Variants in KCNJ15 observed in about 807,000 individuals in gnomAD.
KCNJ15 encodes the protein ATP-sensitive inward rectifier potassium channel 15.
Under a neutral mutation model 23.0 loss-of-function variants are expected in KCNJ15, and 14 were observed. That is an observed-to-expected ratio of 0.61 (90% CI 0.40 to 0.95). The LOEUF (loss-of-function observed/expected upper bound fraction) is 0.95, where lower values mean the gene tolerates loss of function less well. KCNJ15 is among the 40% of genes least tolerant of loss of function. The pLI is 0.00. For synonymous variants in KCNJ15, 185 were observed against 183.2 expected (o/e 1.01, Z -0.08); for missense variants, 388 against 461.8 (o/e 0.84, Z 1.46).
intron 1 of KCNJ15, among the ~76,000 whole-genome samples, chr21:38,277,074 A>G (rs1193965061): frequency 1.3e-5 from 2 of 151,912 alleles, no homozygotes; most frequent in Non-Finnish European, 2.9e-5. Flanking sequence ...AAATCAATAC[A>G]TCAATAGTAG....
In KCNJ15 at chr21:38,303,673, TAAATC is replaced by T. The variant is rs1985938105; in HGVS notation, c.*3288_*3292del. ...ATGAATGAATGAACCAGATGTTTAA[TAAATC>T]AAAACAACTATTTTGTTGGATTTTT... is the stretch of plus-strand genomic sequence containing the variant. On this transcript the variant is annotated 3_prime_UTR_variant, in exon 3 of 3. Coordinates refer to ENST00000398938, the MANE Select transcript of KCNJ15 (RefSeq NM_170736.3). 6.6e-6 allele frequency: 1 copy of T among 151,084 alleles called. No individual in the cohort carries two copies. The highest frequency in any genetic ancestry group is 1.5e-5 in the Non-Finnish European group (1 of 67,904). 9.4% of individuals were successfully genotyped at this position (151,084 alleles called of 1,614,324 possible).
intron 1 of KCNJ15, among the ~76,000 whole-genome samples, chr21:38,270,794 CA>C (rs1320080258): frequency 6.6e-6 from 1 of 152,186 alleles, no homozygotes; most frequent in East Asian, 1.9e-4. Flanking sequence ...AAGACCAAGG[CA>C]AAACTTGATT....
intron 1 of KCNJ15, among the ~76,000 whole-genome samples, chr21:38,264,250 T>A (rs752584817): frequency 1.3e-4 from 20 of 152,228 alleles, no homozygotes; most frequent in Non-Finnish European, 2.6e-4. Flanking sequence ...TACACCCCTT[T>A]ATGTATAATT....
chr21:38,275,242 C>T (rs1982543681), intron 1 of KCNJ15, among the ~76,000 whole-genome samples: 1 of 152,190 alleles, frequency 6.6e-6, no homozygotes, highest in South Asian at 2.1e-4. Context: ...GCTCTCCTCC[C>T]TCTCCATCTG....
chr21:38,258,245 G>C (rs560885932), intron 1 of KCNJ15, among the ~76,000 whole-genome samples: 8 of 152,142 alleles, frequency 5.3e-5, no homozygotes, highest in African/African-American at 1.4e-4. Context: ...ATAGCCTTAG[G>C]TGACAAATTC....
At chr21:38,232,976 G>A (rs1453481249) in intron 1 of KCNJ15, among the ~76,000 whole-genome samples, 2 of 151,918 alleles carry the variant, frequency 1.3e-5, no homozygotes, top group Non-Finnish European at 2.9e-5. Flanking sequence ...GTTTGTTATA[G>A]TGTTGTTTGT....
chr21:38,239,620 A>G (rs1376782416), intron 1 of KCNJ15, among the ~76,000 whole-genome samples: 2 of 152,260 alleles, frequency 1.3e-5, no homozygotes, highest in South Asian at 2.1e-4. Flanking sequence ...AGAACAAGGT[A>G]TGGCATAGAT....
rs1386267551 is a variant in KCNJ15 at position 38,304,068 on chromosome 21, T to TG, written c.*3679_*3680insG. ...TTTCTGAAATAACTAGTTTTTTTTT[T>TG]TTGAACTTGAAAATCAGCTTTTTAT... On this transcript the variant is annotated 3_prime_UTR_variant, in exon 3 of 3. Coordinates refer to ENST00000398938, the MANE Select transcript of KCNJ15 (RefSeq NM_170736.3). The TG allele has an allele frequency of 6.6e-6, 1 of 151,876 alleles. No individual in the cohort carries two copies. Among genetic ancestry groups the TG allele is most frequent in the Non-Finnish European group, 1.5e-5 (1 of 67,974 alleles). 9.4% of individuals were successfully genotyped at this position (151,876 alleles called of 1,614,324 possible).
intron 1 of KCNJ15, chr21:38,272,181 T>C (rs1456634162): frequency 6.6e-6 from 1 of 152,186 alleles, no homozygotes; most frequent in Non-Finnish European, 1.5e-5. Flanking sequence ...TTGGCAGTTT[T>C]TGTTGTCAAA....
intron 1 of KCNJ15, among the ~76,000 whole-genome samples, chr21:38,270,958 G>A (rs1270920005): frequency 6.6e-6 from 1 of 152,022 alleles, no homozygotes; most frequent in Non-Finnish European, 1.5e-5. Context: ...TAGGCATACA[G>A]CCTGGTTTCT....
intron 1 of KCNJ15, chr21:38,238,171 T>A: frequency 2.4e-6 from 1 of 412,502 alleles, no homozygotes; most frequent in Non-Finnish European, 4.6e-6. Context: ...AGGACCTGAG[T>A]CTTTAGTCAG....
chr21:38,281,541 C>A (rs1043950510), intron 1 of KCNJ15, among the ~76,000 whole-genome samples: 1 of 152,162 alleles, frequency 6.6e-6, no homozygotes, highest in South Asian at 2.1e-4. Flanking sequence ...TCTGTTCCTG[C>A]ATTAATTTGC....
upstream of KCNJ15, among the ~76,000 whole-genome samples, chr21:38,256,382 T>TATATATATATATATATATAAG (rs1980249774): frequency 1.5e-5 from 1 of 67,834 alleles, no homozygotes; most frequent in South Asian, 3.5e-4. Flanking sequence ...ATATATATAA[T>TATATATATATATATATATAAG]ATTTATCAGG....
chr21:38,299,410 AC>A lies in KCNJ15; in HGVS notation c.151del (p.Leu51CysfsTer11), dbSNP rs756629367. ...IDKVDGIYLL[Y>X]LQDLWTTVID... is the part of the protein sequence containing the mutation. ...AAAGTGGATGGCATATACCTACTCT[AC>A]CTGCAAGACCTGTGGACCACAGTTA... On this transcript the variant is annotated frameshift_variant, in exon 3 of 3. Transcript: ENST00000398938. LOFTEE classifies it high-confidence loss of function. This position sits in a 1 kb window ranked among gnomAD's most constrained non-coding sequence, Gnocchi z 4.5. 2 of 1,614,136 alleles carry A rather than the reference AC, an allele frequency of 1.2e-6. No homozygotes were observed.
rs145376487 is a variant in KCNJ15 at position 38,294,888 on chromosome 21, A to T, written c.-116-2038A>T. Among the ~76,000 whole-genome samples, 315 of 152,344 alleles carry T rather than the reference A, an allele frequency of 2.1e-3. 2 individuals carry two copies. The highest frequency in any genetic ancestry group is 7.0e-3 in the African/African-American group (290 of 41,582). On this transcript the variant is annotated intron_variant, in intron 1 of 2. Coordinates refer to ENST00000398938, the MANE Select transcript of KCNJ15 (RefSeq NM_170736.3). ...AGGAGAAAGTAATACTGACCTATCC[A>T]TTCAATAGTTGTAAGAACTTCACTT...
In KCNJ15 at chr21:38,307,352, T is replaced by A. The variant is rs1238115922; in HGVS notation, c.*6963T>A. On this transcript the variant is annotated 3_prime_UTR_variant, in exon 3 of 3. Transcript: ENST00000398938. The stretch of plus-strand genomic sequence containing the variant: ...AAACACTATAAAGCTAATTTTACAG[T>A]CTTGAGTTTCTTTTTGTTTCACTGG... 6.6e-6 allele frequency: 1 copy of A among 152,192 alleles called. No homozygotes were observed. The highest frequency in any genetic ancestry group is 1.9e-4 in the East Asian group (1 of 5,194). 9.4% of individuals were successfully genotyped at this position (152,192 alleles called of 1,614,324 possible).
In KCNJ15 at chr21:38,288,030, G is replaced by GTTTTTTTTTT. The variant is rs71184612; in HGVS notation, c.-116-8877_-116-8868dup. On this transcript the variant is annotated intron_variant, in intron 1 of 2. Coordinates refer to ENST00000398938, the MANE Select transcript of KCNJ15 (RefSeq NM_170736.3). ...TGTTAAATAACTTGTTTTTTTCTTT[G>GTTTTTTTTTT]TTTTTTTTTTTTTTTTTTTTTTTTT... Among the ~76,000 whole-genome samples, 27 of 81,450 alleles carry GTTTTTTTTTT rather than the reference G, an allele frequency of 3.3e-4. 1 individual carries two copies. Among genetic ancestry groups the GTTTTTTTTTT allele is most frequent in the Non-Finnish European group, 4.1e-4 (19 of 46,774 alleles). The allele number at this position is 81,450 out of a possible 152,430, so 53.4% of individuals were successfully genotyped here.
In KCNJ15 at chr21:38,307,114, C is replaced by T. The variant is rs545194252; in HGVS notation, c.*6725C>T. On this transcript the variant is annotated 3_prime_UTR_variant, in exon 3 of 3. Transcript: ENST00000398938. Reference sequence around the variant, plus strand: ...GTTTGTGTTTCTCAAGGCTGAGCTACTATTTGGTGCATGTCGGAAATCTCA... The same window carrying T: ...GTTTGTGTTTCTCAAGGCTGAGCTATTATTTGGTGCATGTCGGAAATCTCA... The T allele has an allele frequency of 1.3e-5, 2 of 150,740 alleles. No individual in the cohort carries two copies. Among genetic ancestry groups the T allele is most frequent in the Admixed American group, 1.3e-4 (2 of 15,236 alleles). The allele number at this position is 150,740 out of a possible 1,614,324, so 9.3% of individuals were successfully genotyped here.
At chr21:38,259,208 C>G (rs1033757324) in intron 1 of KCNJ15, among the ~76,000 whole-genome samples, 2 of 152,140 alleles carry the variant, frequency 1.3e-5, no homozygotes, top group African/African-American at 4.8e-5. Flanking sequence ...TTTAGAGACT[C>G]AAAGCAGCCC....
Sources: allele counts gnomAD v4.1 joint callset (sites outside exome capture counted in the v4.1 genomes callset), GRCh38; gene constraint gnomAD v4.1.1; non-coding constraint Gnocchi (gnomAD v3.1); transcripts MANE v1.5; gene names NCBI Gene and HGNC (gene_info 2026-07-23, HGNC 2026-07-21).